The following JARID2 variants were observed in gnomAD, a reference collection of about 807,000 sequenced individuals.
The protein encoded by JARID2 is jumonji and AT-rich interaction domain containing 2.
A neutral mutation model predicts 125.6 loss-of-function variants in JARID2; 21 were observed. The ratio of observed to expected loss-of-function variants is 0.17; its 90% confidence interval spans 0.12 to 0.24. The LOEUF (loss-of-function observed/expected upper bound fraction) is 0.24, where lower values mean the gene tolerates loss of function less well. Ranked by LOEUF, JARID2 falls within the 10% of genes least tolerant of loss-of-function variation. The pLI is 1.00. For synonymous variants in JARID2, 736 were observed against 661.6 expected (o/e 1.11, Z -1.73); for missense variants, 1,303 against 1,639.6 (o/e 0.79, Z 3.55).
rs71551048 is a variant in JARID2, at chr6:15,383,352, G to A, written c.181+9100G>A. Among the ~76,000 whole-genome samples the A allele has an allele frequency of 4.7e-3, 705 of 150,642 alleles. 3 individuals are homozygous for A. The highest frequency in any genetic ancestry group is 7.6e-3 in the Non-Finnish European group (513 of 67,706). On this transcript the variant is annotated intron_variant, in intron 2 of 17. Transcript: ENST00000341776. ...AGCTCTTTCTATAAGGGTCTCTCTA[G>A]TTTCTTTGCGGATGAAATTAATAAC... is the stretch of plus-strand genomic sequence containing the variant.
intron 1 of JARID2, among the ~76,000 whole-genome samples, chr6:15,311,733 CTG>C (rs985354965): frequency 7.0e-6 from 1 of 142,790 alleles, no homozygotes; most frequent in Admixed American, 6.8e-5. Context: ...AAAAAGGTAA[CTG>C]TTTTTTTTTT....
At chr6:15,442,189 A>G (rs1376808741) in intron 3 of JARID2, among the ~76,000 whole-genome samples, 1 of 151,748 alleles carries the variant, frequency 6.6e-6, no homozygotes, top group Non-Finnish European at 1.5e-5. Flanking sequence ...GCCCATTGCC[A>G]GGAGAGTTCT....
At chr6:15,301,926 T>G (rs968225836) in intron 1 of JARID2, among the ~76,000 whole-genome samples, 19 of 152,196 alleles carry the variant, frequency 1.2e-4, no homozygotes, top group African/African-American at 3.6e-4. Flanking sequence ...TTTGTGAATT[T>G]TACGTTGGTA....
At chr6:15,333,471 A>G (rs1011763789) in intron 1 of JARID2, among the ~76,000 whole-genome samples, 12 of 152,154 alleles carry the variant, frequency 7.9e-5, no homozygotes, top group Admixed American at 7.9e-4. Context: ...CCATACGTGT[A>G]TGGCGTCTTT....
At chr6:15,292,292 A>G (rs953755557) in intron 1 of JARID2, among the ~76,000 whole-genome samples, 1 of 152,040 alleles carries the variant, frequency 6.6e-6, no homozygotes, top group African/African-American at 2.4e-5. Context: ...AAGAGCTGGG[A>G]TTACAGGCGT....
chr6:15,287,243 A>T (rs566696525), intron 1 of JARID2, among the ~76,000 whole-genome samples: 4 of 152,228 alleles, frequency 2.6e-5, no homozygotes, highest in Non-Finnish European at 5.9e-5. Flanking sequence ...AATCGGGTGA[A>T]ATGTGTGACC....
intron 1 of JARID2, among the ~76,000 whole-genome samples, chr6:15,323,414 T>G (rs1301087656): frequency 6.6e-6 from 1 of 152,308 alleles, no homozygotes; most frequent in East Asian, 1.9e-4. Flanking sequence ...TTCATAGATA[T>G]GTGGCTTGGC....
chr6:15,309,821 T>A (rs1238501313), intron 1 of JARID2, among the ~76,000 whole-genome samples: 4 of 152,044 alleles, frequency 2.6e-5, no homozygotes, highest in Non-Finnish European at 5.9e-5. Context: ...TGGCCAGTAG[T>A]GTGTTCCAAA....
intron 1 of JARID2, among the ~76,000 whole-genome samples, chr6:15,302,369 TGCGCCACTGCACTCCATCCTGG>T (rs1468830594): frequency 6.6e-6 from 1 of 151,926 alleles, no homozygotes; most frequent in Non-Finnish European, 1.5e-5. Context: ...GAGCTGAGAT[TGCGCCACTGCACTCCATCCTGG>T]GCGACAGAGC....
intron 5 of JARID2, among the ~76,000 whole-genome samples, chr6:15,480,671 T>C (rs951517905): frequency 2.0e-5 from 3 of 152,330 alleles, no homozygotes; most frequent in Middle Eastern, 3.4e-3. Context: ...TTTGCGCAAC[T>C]CCTTTCTCTG....
At chr6:15,509,784 C>T (rs548374527) in intron 12 of JARID2, among the ~76,000 whole-genome samples, 8 of 152,260 alleles carry the variant, frequency 5.3e-5, no homozygotes, top group Admixed American at 1.3e-4. Flanking sequence ...TATGGCTTGA[C>T]GTTGAGTCAC....
chr6:15,309,526 G>T (rs1027229047), intron 1 of JARID2, among the ~76,000 whole-genome samples: 1 of 151,872 alleles, frequency 6.6e-6, no homozygotes, highest in Non-Finnish European at 1.5e-5. Context: ...AAAATGAAAT[G>T]GTAGCAAGAA....
Position 15,486,806 on chromosome 6 carries a change from C to CTTTTTTTTTTTT in JARID2, c.671-494_671-483dup, listed in dbSNP as rs56268949. ...CATCTCTTTTAAATCTGAGAATAGA[C>CTTTTTTTTTTTT]TTTTTTTTTTTTTTTTTTGAGACAG... On this transcript the variant is annotated intron_variant, in intron 5 of 17. Coordinates refer to ENST00000341776, the MANE Select transcript of JARID2 (RefSeq NM_004973.4). Among the ~76,000 whole-genome samples the CTTTTTTTTTTTT allele has an allele frequency of 5.2e-3, 526 of 100,470 alleles. 68 individuals are homozygous for CTTTTTTTTTTTT. The highest frequency in any genetic ancestry group is 0.013 in the African/African-American group (279 of 20,894). 65.9% of individuals were successfully genotyped at this position (100,470 alleles called of 152,430 possible).
At chr6:15,321,006 G>A (rs1046527709) in intron 1 of JARID2, among the ~76,000 whole-genome samples, 26 of 151,964 alleles carry the variant, frequency 1.7e-4, no homozygotes, top group African/African-American at 5.1e-4. Flanking sequence ...GATGGGAGGC[G>A]GTGTATCATA....
chr6:15,388,948 T>C (rs1764897191), intron 2 of JARID2, among the ~76,000 whole-genome samples: 1 of 152,108 alleles, frequency 6.6e-6, no homozygotes, highest in Admixed American at 6.5e-5. Flanking sequence ...CCTGTTTTCT[T>C]TCTGCAGTTA....
chr6:15,484,199 T>TTG (rs10659282), intron 5 of JARID2, among the ~76,000 whole-genome samples: 99,198 of 151,830 alleles, frequency 0.65, 32,631 homozygotes, highest in East Asian at 0.81. Flanking sequence ...GTTTTCAGTG[T>TTG]TGTATTTCTT....
At chr6:15,249,436 G>C (rs565595806) in intron 1 of JARID2, among the ~76,000 whole-genome samples, 1 of 152,316 alleles carries the variant, frequency 6.6e-6, no homozygotes, top group South Asian at 2.1e-4. Context: ...ACTGAGAAGA[G>C]CACAGGACTC....
At chr6:15,357,586 T>C (rs953143940) in intron 1 of JARID2, among the ~76,000 whole-genome samples, 2 of 152,202 alleles carry the variant, frequency 1.3e-5, no homozygotes, top group African/African-American at 4.8e-5. Flanking sequence ...TAAGCAAATG[T>C]TATTTATTGA....
At chr6:15,275,521 A>ACCC (rs1228449106) in intron 1 of JARID2, among the ~76,000 whole-genome samples, 75 of 12,550 alleles carry the variant, frequency 6.0e-3, no homozygotes, top group African/African-American at 9.1e-3. Context: ...AAGTCCATTT[A>ACCC]CCGCCCCCCC....
Sources: gnomAD v4.1 joint callset for allele counts (sites outside exome capture counted in the v4.1 genomes callset) on GRCh38, gnomAD v4.1.1 for gene constraint, MANE v1.5 for transcripts, NCBI Gene and HGNC (gene_info 2026-07-23, HGNC 2026-07-21) for gene names.